Variants in NRP2 observed in about 807,000 individuals in gnomAD.
The protein encoded by NRP2 is neuropilin-2.
A neutral mutation model predicts 110.4 loss-of-function variants in NRP2; 52 were observed. The ratio of observed to expected loss-of-function variants is 0.47; its 90% CI spans 0.38 to 0.59. The LOEUF is 0.59. Among genes scored for constraint, NRP2 ranks in the 20% least tolerant of loss-of-function variants. NRP2 has a pLI of 0.00. For missense variants in NRP2, 1,049 were observed against 1,203.0 expected (o/e 0.87, Z 1.89); for synonymous variants, 508 against 468.9 (o/e 1.08, Z -1.08).
chr2:205,690,980 G>A (rs559871870), intron 1 of NRP2, among the ~76,000 whole-genome samples: 81 of 152,172 alleles, frequency 5.3e-4, no homozygotes, highest in African/African-American at 1.8e-3. Context: ...AGCTGGGGGT[G>A]GGGAGGGAAG....
intron 16 of NRP2, among the ~76,000 whole-genome samples, chr2:205,793,128 T>G (rs1575690006): frequency 6.6e-6 from 1 of 152,164 alleles, no homozygotes; most frequent in African/African-American, 2.4e-5. Flanking sequence ...AGACTCTCCC[T>G]GCAAAACCCA....
In NRP2 at chr2:205,686,154, C is replaced by T. The variant is rs1205260287; in HGVS notation, c.73+2791C>T. ...TTCTATTAAGCAAAAATATTCCCAGCGAAAGCAAAACCGAGGCTGAAGCCT... is the reference window on the plus strand; with the variant it reads ...TTCTATTAAGCAAAAATATTCCCAGTGAAAGCAAAACCGAGGCTGAAGCCT... On this transcript the variant is annotated intron_variant, in intron 1 of 16. Coordinates refer to ENST00000357785, the MANE Select transcript of NRP2 (RefSeq NM_003872.3). This position sits in a 1 kb window ranked among gnomAD's most constrained non-coding sequence, Gnocchi z 4.7. Among the ~76,000 whole-genome samples the T allele has an allele frequency of 1.3e-5, 2 of 152,144 alleles. No homozygotes were observed. The highest frequency in any genetic ancestry group is 4.8e-5 in the African/African-American group (2 of 41,442).
chr2:205,711,729 A>T (rs180720681), intron 2 of NRP2, among the ~76,000 whole-genome samples: 3 of 152,288 alleles, frequency 2.0e-5, no homozygotes, highest in Admixed American at 6.5e-5. Context: ...TCCTCCGAAG[A>T]CCTAAGTACT....
At chr2:205,791,125 G>A (rs1189855530) in intron 15 of NRP2, among the ~76,000 whole-genome samples, 1 of 152,208 alleles carries the variant, frequency 6.6e-6, no homozygotes, top group Non-Finnish European at 1.5e-5. Flanking sequence ...GATCTTCCCC[G>A]AGATGTAGTG....
At chr2:205,721,340 CCTG>C (rs1479676617) in intron 3 of NRP2, among the ~76,000 whole-genome samples, 3 of 152,148 alleles carry the variant, frequency 2.0e-5, no homozygotes, top group African/African-American at 7.2e-5. Context: ...CCTCAAAAAT[CCTG>C]CTTCCTTTTC....
chr2:205,765,591 T>C (rs1458127863), intron 14 of NRP2, 21 bp downstream of exon 14: 1 of 1,593,706 alleles, frequency 6.3e-7, no homozygotes. Context: ...ATCTGTCTCT[T>C]CATGGTTCTT....
In NRP2 at chr2:205,763,182, AT is replaced by A. The variant is rs2057852375; in HGVS notation, c.2045-491del. 6.6e-6 allele frequency among the ~76,000 whole-genome samples: 1 copy of A among 152,144 alleles called. No individual in the cohort carries two copies. Among genetic ancestry groups the A allele is most frequent in the Admixed American group, 6.5e-5 (1 of 15,282 alleles). On this transcript the variant is annotated intron_variant, in intron 12 of 16. Coordinates refer to ENST00000357785, the MANE Select transcript of NRP2 (RefSeq NM_003872.3). The surrounding 1 kb of genome is among the most constrained non-coding windows in gnomAD (Gnocchi z 4.0). ...GCCATTTGGACAGTGCCCAGCCAAG[AT>A]GGCCAGGGCTGGAAGCATCAACCAC...
chr2:205,730,911 C>G (rs140783950), intron 7 of NRP2, among the ~76,000 whole-genome samples: 279 of 152,298 alleles, frequency 1.8e-3, no homozygotes, highest in Non-Finnish European at 2.8e-3. Context: ...TCTTTTCCAG[C>G]CTCCCCTAGC....
intron 15 of NRP2, among the ~76,000 whole-genome samples, chr2:205,788,489 C>A (rs1384871815): frequency 2.0e-5 from 3 of 152,124 alleles, no homozygotes. Flanking sequence ...GCTAGGTGAT[C>A]GCTTTGAATT....
chr2:205,788,874 G>T (rs2058266537), intron 15 of NRP2, among the ~76,000 whole-genome samples: 1 of 152,154 alleles, frequency 6.6e-6, no homozygotes, highest in African/African-American at 2.4e-5. Context: ...TGTTTCCTGG[G>T]CATGCAGTGA....
At chr2:205,697,841 G>A in intron 2 of NRP2, 120 bp downstream of exon 2, 2 of 1,018,104 alleles carry the variant, frequency 2.0e-6, no homozygotes, top group East Asian at 2.4e-5. Flanking sequence ...ACCAGTGGTG[G>A]ATCCTGGCCC....
At chr2:205,707,279 C>T (rs2056698800) in intron 2 of NRP2, among the ~76,000 whole-genome samples, 1 of 152,264 alleles carries the variant, frequency 6.6e-6, no homozygotes, top group Non-Finnish European at 1.5e-5. Flanking sequence ...AGCATAGTCA[C>T]AAACGGAAGC....
intron 15 of NRP2, among the ~76,000 whole-genome samples, chr2:205,789,350 G>A (rs1180665173): frequency 2.0e-5 from 3 of 152,186 alleles, no homozygotes; most frequent in Non-Finnish European, 4.4e-5. Context: ...AGCGGAACTC[G>A]TGTGGGTGGT....
chr2:205,792,318 A>G (rs753308984), intron 16 of NRP2, 33 bp downstream of exon 16: 1 of 1,559,022 alleles, frequency 6.4e-7, no homozygotes, highest in African/African-American at 1.4e-5. Flanking sequence ...AGGTAATCGT[A>G]AAATTCAAGT....
At chr2:205,745,701 A>ACTGGGT in intron 9 of NRP2, 45 bp from the exon 10 acceptor site, 1 of 1,612,772 alleles carries the variant, frequency 6.2e-7, no homozygotes, top group Non-Finnish European at 8.5e-7. Flanking sequence ...GGTGATAGGG[A>ACTGGGT]CTGGGTCCCA....
At chr2:205,730,254 C>T (rs547757495) in intron 7 of NRP2, among the ~76,000 whole-genome samples, 2 of 151,940 alleles carry the variant, frequency 1.3e-5, no homozygotes, top group African/African-American at 2.4e-5. Flanking sequence ...CCCTCATTCA[C>T]GGTGCGTCAG....
At position 205,763,867 on chromosome 2, in the gene NRP2, C is replaced by T. The variant is rs1331090651; in HGVS notation, c.2238C>T (p.Ile746=). The change falls in exon 13 of 17, where the codon ATC becomes ATT. Residue 746 remains isoleucine (I), a synonymous_variant. Transcript: ENST00000357785. The surrounding 1 kb of genome is among the most constrained non-coding windows in gnomAD (Gnocchi z 4.0). ...ASQESKLLWV[I]REDQGGEWKH... ...AGGAGAGCAAGTTGCTGTGGGTCAT[C>T]CGTGAGGACCAGGGCGGCGAGTGGA... 1.9e-6 allele frequency: 3 copies of T among 1,614,008 alleles called. No homozygotes were observed. In the African/African-American group the frequency reaches 4.0e-5, roughly 22 times the overall value.
chr2:205,765,365 CACAT>C (rs1454746532), intron 13 of NRP2, 105 bp from the exon 14 acceptor site: 8 of 867,252 alleles, frequency 9.2e-6, no homozygotes, highest in African/African-American at 5.0e-5. Context: ...CACACACACA[CACAT>C]ACACACACAC....
At position 205,686,385 on chromosome 2, in the gene NRP2, G is replaced by A. The variant is rs1032816245; in HGVS notation, c.73+3022G>A. On this transcript the variant is annotated intron_variant, in intron 1 of 16. Coordinates refer to ENST00000357785, the MANE Select transcript of NRP2 (RefSeq NM_003872.3). The surrounding 1 kb of genome is among the most constrained non-coding windows in gnomAD (Gnocchi z 4.7). The stretch of plus-strand genomic sequence containing the variant: ...CCCGCCTCCCCTCCCCAGCCGCCTC[G>A]CTCTTTGCTTTTCCACGTGAGAAAA... Among the ~76,000 whole-genome samples, 1 of 152,180 alleles carries A rather than the reference G, an allele frequency of 6.6e-6. No homozygotes were observed. The highest frequency in any genetic ancestry group is 2.4e-5 in the African/African-American group (1 of 41,436).
Sources: gnomAD v4.1 joint callset for allele counts (sites outside exome capture counted in the v4.1 genomes callset) on GRCh38, gnomAD v4.1.1 for gene constraint, Gnocchi (gnomAD v3.1) non-coding constraint, MANE v1.5 for transcripts, NCBI Gene and HGNC (gene_info 2026-07-23, HGNC 2026-07-21) for gene names.